CCM2: variants seen among roughly 807,000 people sequenced by gnomAD.
CCM2 encodes CCM2 scaffold protein.
Under a neutral mutation model 44.9 loss-of-function variants are expected in CCM2, and 25 were observed. That is an observed-to-expected ratio of 0.56 (90% CI 0.41 to 0.78). CCM2 has a LOEUF of 0.78. CCM2 is among the 30% of genes least tolerant of loss of function. The pLI is 0.00. For missense variants in CCM2, 481 were observed against 580.6 expected, an observed-to-expected ratio of 0.83 and a Z score of 1.76; for synonymous variants, 219 against 241.1, an observed-to-expected ratio of 0.91 and a Z score of 0.85.
At chr7:45,048,357 G>A (rs1797854102) in intron 2 of CCM2, among the ~76,000 whole-genome samples, 1 of 152,196 alleles carries the variant, frequency 6.6e-6, no homozygotes, top group South Asian at 2.1e-4. Flanking sequence ...GTGTTTATGG[G>A]AAGTATTTTG....
chr7:45,023,864 G>T (rs1044796083), intron 1 of CCM2, among the ~76,000 whole-genome samples: 1 of 130,488 alleles, frequency 7.7e-6, no homozygotes, highest in Non-Finnish European at 1.6e-5. Flanking sequence ...AGGCTGGAGT[G>T]CAATGGCACA....
intron 1 of CCM2, among the ~76,000 whole-genome samples, chr7:45,008,817 A>G (rs1411711154): frequency 1.3e-5 from 2 of 152,108 alleles, no homozygotes; most frequent in African/African-American, 4.8e-5. Flanking sequence ...CATAGCTTTT[A>G]CTTTTCATGC....
chr7:45,001,691 G>C (rs566963735), intron 1 of CCM2, among the ~76,000 whole-genome samples: 3 of 151,646 alleles, frequency 2.0e-5, no homozygotes, highest in Admixed American at 2.0e-4. Flanking sequence ...GGCAAGGATG[G>C]AATTGAGTGA....
upstream of CCM2, chr7:44,999,766 G>A (rs1010745228): frequency 8.9e-6 from 4 of 450,528 alleles, no homozygotes; most frequent in African/African-American, 2.0e-5. Context: ...GTCGGCCGCC[G>A]TAAAGATGGC....
chr7:45,067,355 G>A, intron 4 of CCM2, among the ~76,000 whole-genome samples: 1 of 149,836 alleles, frequency 6.7e-6, no homozygotes, highest in Non-Finnish European at 1.5e-5. Flanking sequence ...TAGAGATGGG[G>A]TTTCACCATG....
Position 45,072,714 on chromosome 7 carries a change from TCTTCC to T in CCM2, c.746-11_746-7del. ...CTGAAAGTCATCTTAGTTTTCTGCATCTTCCTTACAGATGACTCTTCTACAAAAGT... is the reference window on the plus strand; with the variant it reads ...CTGAAAGTCATCTTAGTTTTCTGCATTTACAGATGACTCTTCTACAAAAGT... On this transcript the variant is annotated splice_polypyrimidine_tract_variant and splice_region_variant and intron_variant, in intron 6 of 9. Transcript: ENST00000258781. 1.9e-6 allele frequency: 3 copies of T among 1,609,704 alleles called. No individual in the cohort carries two copies. Among genetic ancestry groups the T allele is most frequent in the Non-Finnish European group, 2.5e-6 (3 of 1,176,516 alleles).
chr7:45,072,050 C>T (rs1583989166), intron 6 of CCM2: 1 of 360,752 alleles, frequency 2.8e-6, no homozygotes, highest in Non-Finnish European at 5.4e-6. Flanking sequence ...CATTTAAAAT[C>T]TTACCCTCTC....
chr7:45,064,809 A>G (rs565044462), intron 4 of CCM2, among the ~76,000 whole-genome samples, 163 bp downstream of exon 4: 13 of 152,302 alleles, frequency 8.5e-5, no homozygotes, highest in African/African-American at 2.9e-4. Flanking sequence ...AGAGGGCTTG[A>G]GATCAGTTAC....
At chr7:45,015,828 C>G (rs924510148) in intron 1 of CCM2, among the ~76,000 whole-genome samples, 22 of 152,226 alleles carry the variant, frequency 1.4e-4, no homozygotes, top group African/African-American at 5.1e-4. Flanking sequence ...CCTTGACATG[C>G]ATGCTGACCC....
intron 2 of CCM2, among the ~76,000 whole-genome samples, chr7:45,057,777 A>G (rs915439150): frequency 3.3e-5 from 5 of 152,216 alleles, no homozygotes; most frequent in Non-Finnish European, 7.3e-5. Flanking sequence ...TACCAGCACT[A>G]TAGAGATTGG....
At chr7:45,015,322 C>T (rs770087389) in intron 1 of CCM2, among the ~76,000 whole-genome samples, 4 of 152,140 alleles carry the variant, frequency 2.6e-5, no homozygotes, top group South Asian at 4.1e-4. Context: ...CTTTTTTGCT[C>T]AGTCTCCCCA....
intron 1 of CCM2, among the ~76,000 whole-genome samples, chr7:45,022,884 G>T (rs1226600410): frequency 6.6e-6 from 1 of 151,782 alleles, no homozygotes; most frequent in Non-Finnish European, 1.5e-5. Context: ...GGGATTACAG[G>T]TGCCCACCAC....
At chr7:45,031,842 G>A (rs891400731) in intron 1 of CCM2, among the ~76,000 whole-genome samples, 5 of 152,124 alleles carry the variant, frequency 3.3e-5, no homozygotes, top group Non-Finnish European at 7.4e-5. Context: ...AAAGTGTTGG[G>A]ATTACAGGTG....
intron 2 of CCM2, among the ~76,000 whole-genome samples, chr7:45,060,062 C>A (rs1037834427): frequency 1.3e-5 from 2 of 152,258 alleles, no homozygotes; most frequent in Non-Finnish European, 2.9e-5. Flanking sequence ...GATGCTTTTC[C>A]CCTTCTTTAC....
Position 45,058,945 on chromosome 7 carries a change from A to G in CCM2, c.205-4973A>G, listed in dbSNP as rs564047946. ...TTTTTAGTGTAAACGGGGTTTTGCC[A>G]TGTTGGCCAGGCTGGTCTCAAACTC... On this transcript the variant is annotated intron_variant, in intron 2 of 9. Coordinates refer to ENST00000258781, the MANE Select transcript of CCM2 (RefSeq NM_031443.4). 2.2e-4 allele frequency among the ~76,000 whole-genome samples: 32 copies of G among 144,886 alleles called. No individual in the cohort carries two copies. The South Asian group carries it at 5.9e-3, about 27-fold the overall frequency.
intron 1 of CCM2, among the ~76,000 whole-genome samples, chr7:45,012,395 A>G (rs534884506): frequency 1.3e-5 from 2 of 152,052 alleles, no homozygotes; most frequent in South Asian, 2.1e-4. Flanking sequence ...CGGCCTCCCA[A>G]AGTGCTGGGA....
intron 1 of CCM2, among the ~76,000 whole-genome samples, chr7:45,012,743 G>T (rs1445586723): frequency 6.6e-6 from 1 of 151,392 alleles, no homozygotes; most frequent in Non-Finnish European, 1.5e-5. Context: ...TTAGAGATGG[G>T]GTCTCACTAT....
rs368786817 is a variant in CCM2, at chr7:45,073,444, C to G, written c.804-16C>G. On this transcript the variant is annotated splice_polypyrimidine_tract_variant and intron_variant, in intron 7 of 9. Coordinates refer to ENST00000258781, the MANE Select transcript of CCM2 (RefSeq NM_031443.4). ...GTCGGGGAAGCCACCCGCTCACATA[C>G]CACATTCTTTCGCAGCTGCTTCCCT... 43 of 1,601,338 alleles carry G rather than the reference C, an allele frequency of 2.7e-5. No individual in the cohort carries two copies. Among genetic ancestry groups the G allele is most frequent in the Non-Finnish European group, 3.5e-5 (41 of 1,168,870 alleles).
At chr7:45,028,536 A>G (rs1403291247) in intron 1 of CCM2, among the ~76,000 whole-genome samples, 1 of 152,116 alleles carries the variant, frequency 6.6e-6, no homozygotes, top group Non-Finnish European at 1.5e-5. Flanking sequence ...ACGCACCTGT[A>G]ATCCCAGCTA....
Sources: allele counts gnomAD v4.1 joint callset (sites outside exome capture counted in the v4.1 genomes callset), GRCh38; gene constraint gnomAD v4.1.1; transcripts MANE v1.5; gene names NCBI Gene and HGNC (gene_info 2026-07-23, HGNC 2026-07-21).